ZNF438: variants seen among roughly 807,000 people sequenced by gnomAD.
ZNF438 encodes the protein zinc finger protein 438.
Under a neutral mutation model 38.0 loss-of-function variants are expected in ZNF438, and 25 were observed. That is an observed-to-expected ratio of 0.66 (90% CI 0.48 to 0.92). The LOEUF (loss-of-function observed/expected upper bound fraction) is 0.92, where lower values mean the gene tolerates loss of function less well. ZNF438 is among the 40% of genes least tolerant of loss of function. The pLI is 0.00. For synonymous variants in ZNF438, 372 were observed against 364.1 expected, an observed-to-expected ratio of 1.02 and a Z score of -0.25; for missense variants, 1,007 against 999.6, an observed-to-expected ratio of 1.01 and a Z score of -0.10.
intron 1 of ZNF438, among the ~76,000 whole-genome samples, chr10:30,943,253 C>T (rs1461393822): frequency 6.6e-6 from 1 of 151,800 alleles, no homozygotes; most frequent in Non-Finnish European, 1.5e-5. Context: ...AGTTGTTTCT[C>T]TATGGTTAGA....
intron 1 of ZNF438, among the ~76,000 whole-genome samples, chr10:31,022,655 CA>C (rs1230624472): frequency 4.6e-5 from 7 of 152,152 alleles, no homozygotes; most frequent in Admixed American, 4.6e-4. Flanking sequence ...CACCTGCAGC[CA>C]GCGTTGGTCA....
At chr10:30,946,106 G>A (rs1482933555) in intron 1 of ZNF438, among the ~76,000 whole-genome samples, 22 of 151,496 alleles carry the variant, frequency 1.5e-4, no homozygotes, top group African/African-American at 4.9e-4. Flanking sequence ...TAACTGGTGT[G>A]AGATGGTATC....
In ZNF438 at chr10:30,920,901, C is replaced by G. The variant is rs116503919; in HGVS notation, c.-114-11886G>C. Reference sequence around the variant, plus strand: ...AAGGATTATATGACATATTTTACTACAGTTCACAATCAATGTAGTTTTGTT... The same window carrying G: ...AAGGATTATATGACATATTTTACTAGAGTTCACAATCAATGTAGTTTTGTT... On this transcript the variant is annotated intron_variant, in intron 2 of 5. Coordinates refer to ENST00000413025, the Ensembl canonical transcript of ZNF438. 638 of 152,318 alleles carry G rather than the reference C, an allele frequency of 4.2e-3. 5 individuals are homozygous for G. The highest frequency in any genetic ancestry group is 0.015 in the African/African-American group (617 of 41,566). 9.4% of individuals were successfully genotyped at this position (152,318 alleles called of 1,614,324 possible).
chr10:30,970,287 T>C (rs1474789239), intron 1 of ZNF438, among the ~76,000 whole-genome samples: 1 of 152,164 alleles, frequency 6.6e-6, no homozygotes, highest in Non-Finnish European at 1.5e-5. Flanking sequence ...GCAAGTAGGT[T>C]AAGTCTTTGG....
intron 1 of ZNF438, among the ~76,000 whole-genome samples, chr10:31,027,519 T>C (rs1447670686): frequency 1.3e-5 from 2 of 152,116 alleles, no homozygotes; most frequent in African/African-American, 4.8e-5. Context: ...GGGAGCTACC[T>C]GACACAATTA....
At chr10:31,026,849 C>G (rs2056976788) in intron 1 of ZNF438, among the ~76,000 whole-genome samples, 1 of 152,136 alleles carries the variant, frequency 6.6e-6, no homozygotes, top group African/African-American at 2.4e-5. Context: ...CCCAAATGTC[C>G]ATCAATGATA....
At chr10:30,919,417 CTTTT>C (rs1256876653) in intron 2 of ZNF438, 3 of 152,118 alleles carry the variant, frequency 2.0e-5, no homozygotes, top group Admixed American at 6.6e-5. Context: ...TGAAGCCTTT[CTTTT>C]GATTTTTCAA....
In ZNF438 at chr10:31,013,310, C is replaced by T. The variant is rs547151882; in HGVS notation, c.-192+18523G>A. Among the ~76,000 whole-genome samples, 821 of 151,032 alleles carry T rather than the reference C, an allele frequency of 5.4e-3. 4 individuals carry two copies. The highest frequency in any genetic ancestry group is 7.6e-3 in the Non-Finnish European group (516 of 67,722). ...CTCCAGCCTGGGCGACAGAGCGAGA[C>T]TCCGTCTCAAAAAAAAAAAATCCCC... is the stretch of plus-strand genomic sequence containing the variant. On this transcript the variant is annotated intron_variant, in intron 1 of 5. Coordinates refer to ENST00000413025, the Ensembl canonical transcript of ZNF438.
At chr10:30,970,581 A>G (rs2050634931) in intron 1 of ZNF438, among the ~76,000 whole-genome samples, 1 of 152,168 alleles carries the variant, frequency 6.6e-6, no homozygotes, top group South Asian at 2.1e-4. Context: ...AAATGTGGAA[A>G]ATATCCTCAT....
intron 2 of ZNF438, among the ~76,000 whole-genome samples, chr10:30,918,847 T>C (rs1216924588): frequency 6.6e-6 from 1 of 152,208 alleles, no homozygotes; most frequent in Admixed American, 6.5e-5. Flanking sequence ...ATTACCTCAG[T>C]CTGCAGTTGC....
chr10:30,898,112 T>C (rs1159800015), intron 3 of ZNF438, among the ~76,000 whole-genome samples: 2 of 152,170 alleles, frequency 1.3e-5, no homozygotes, highest in African/African-American at 4.8e-5. Flanking sequence ...AGGCATATAA[T>C]AGTAACTGGA....
At chr10:30,883,406 CATT>C (rs1487642576) in intron 3 of ZNF438, among the ~76,000 whole-genome samples, 3 of 152,130 alleles carry the variant, frequency 2.0e-5, no homozygotes, top group Admixed American at 1.3e-4. Context: ...AAGCCATCAT[CATT>C]ATCATCATCC....
At chr10:31,007,769 T>C (rs949981048) in intron 1 of ZNF438, among the ~76,000 whole-genome samples, 9 of 152,300 alleles carry the variant, frequency 5.9e-5, no homozygotes, top group African/African-American at 2.2e-4. Flanking sequence ...GTTAGTTCTA[T>C]TAATAGTAGA....
chr10:30,897,790 G>T (rs940732552), intron 3 of ZNF438, among the ~76,000 whole-genome samples: 5 of 152,202 alleles, frequency 3.3e-5, no homozygotes, highest in African/African-American at 4.8e-5. Context: ...GAGGACATGT[G>T]GGGGCAGTGC....
At chr10:30,846,615 C>T (rs1203099317) in intron 5 of ZNF438, among the ~76,000 whole-genome samples, 1 of 152,166 alleles carries the variant, frequency 6.6e-6, no homozygotes, top group Non-Finnish European at 1.5e-5. Context: ...TCCAAGTTGA[C>T]GGTGTGGGAG....
chr10:30,950,061 G>T (rs2047977824), intron 1 of ZNF438, among the ~76,000 whole-genome samples: 1 of 151,228 alleles, frequency 6.6e-6, no homozygotes, highest in African/African-American at 2.4e-5. Flanking sequence ...TCAGACCACA[G>T]TGCAATCAAA....
At chr10:30,957,803 A>G (rs2049029186) in intron 1 of ZNF438, among the ~76,000 whole-genome samples, 1 of 152,120 alleles carries the variant, frequency 6.6e-6, no homozygotes, top group African/African-American at 2.4e-5. Flanking sequence ...ACTATTTTAA[A>G]TGTTCAACAG....
At chr10:31,006,670 G>C (rs561538785) in intron 1 of ZNF438, among the ~76,000 whole-genome samples, 1 of 151,244 alleles carries the variant, frequency 6.6e-6, no homozygotes, top group African/African-American at 2.4e-5. Context: ...GTGAGACTGA[G>C]GCCTGAAGAT....
At chr10:30,953,402 TA>T (rs560444530) in intron 1 of ZNF438, among the ~76,000 whole-genome samples, 32 of 146,814 alleles carry the variant, frequency 2.2e-4, no homozygotes, top group African/African-American at 6.6e-4. Context: ...TAAAGTATAA[TA>T]AAAAAAATTT....
Sources: allele counts gnomAD v4.1 joint callset (sites outside exome capture counted in the v4.1 genomes callset), GRCh38; gene constraint gnomAD v4.1.1; transcripts MANE v1.5; gene names NCBI Gene and HGNC (gene_info 2026-07-23, HGNC 2026-07-21).